SMCHD1: variants seen among roughly 807,000 people sequenced by gnomAD.
SMCHD1 encodes structural maintenance of chromosomes flexible hinge domain containing 1.
SMCHD1 carries 78 observed loss-of-function variants against 254.7 expected under a neutral mutation model. The ratio of observed to expected loss-of-function variants is 0.31; its 90% CI spans 0.26 to 0.37. The LOEUF (loss-of-function observed/expected upper bound fraction) is 0.37, where lower values mean the gene tolerates loss of function less well. SMCHD1 is among the 10% of genes least tolerant of loss of function. The pLI, the probability that SMCHD1 is intolerant of heterozygous loss-of-function variation, is 1.00. For missense variants in SMCHD1, 1,840 were observed against 2,408.1 expected (o/e 0.76, Z 4.94); for synonymous variants, 766 against 794.9 (o/e 0.96, Z 0.61).
intron 25 of SMCHD1, 96 bp downstream of exon 25, chr18:2,732,588 G>A (rs1040387483): frequency 1.4e-6 from 1 of 728,632 alleles, no homozygotes; most frequent in Non-Finnish European, 2.2e-6. Flanking sequence ...ATCTAAAAAA[G>A]AAGCTTGTCA....
Position 2,738,419 on chromosome 18 carries a change from A to G in SMCHD1, c.3299A>G (p.Asn1100Ser). The G allele has an allele frequency of 6.2e-7, 1 of 1,606,332 alleles. No homozygotes were observed. Among genetic ancestry groups the G allele is most frequent in the Non-Finnish European group, 8.5e-7 (1 of 1,176,000 alleles). The change falls in exon 26 of 48, where the codon AAC becomes AGC. Residue 1100 changes from asparagine to serine, a missense_variant. Transcript: ENST00000320876. Reference protein sequence around the residue: ...KIKVNWTPEINKEHLLQGLLP... With the variant: ...KIKVNWTPEISKEHLLQGLLP... ...TAGGTTAATTGGACTCCTGAGATTA[A>G]CAAAGAACACTTGCTACAGGGTCTG...
chr18:2,748,390 A>ATTTTTTTTTTTTTTTTTTTTATAAAT (rs67175512), intron 30 of SMCHD1, among the ~76,000 whole-genome samples: 1 of 92,698 alleles, frequency 1.1e-5, no homozygotes, highest in African/African-American at 4.9e-5. Flanking sequence ...GTGTATATAA[A>ATTTTTTTTTTTTTTTTTTTTATAAAT]TTTTTTTTTT....
intron 41 of SMCHD1, among the ~76,000 whole-genome samples, chr18:2,774,366 AACTT>A (rs2076032425): frequency 6.6e-6 from 1 of 152,090 alleles, no homozygotes. Flanking sequence ...TTCTTCCACT[AACTT>A]CTAGAGAATT....
chr18:2,784,703 A>G, intron 45 of SMCHD1, 82 bp downstream of exon 45: 10 of 1,381,262 alleles, frequency 7.2e-6, no homozygotes, highest in Non-Finnish European at 9.8e-6. Flanking sequence ...TTGAGAATCT[A>G]ACATGAAAAA....
rs1491304797 is a variant in SMCHD1, at chr18:2,678,304, T to TTCC, written c.638+4160_638+4161insCCT. 3.4e-3 allele frequency among the ~76,000 whole-genome samples: 305 copies of TTCC among 90,254 alleles called. 2 individuals carry two copies. The Middle Eastern group carries it at 0.036, about 11-fold the overall frequency. 59.2% of individuals were successfully genotyped at this position (90,254 alleles called of 152,430 possible). A position where few individuals can be genotyped will look rare whatever the true frequency, so the allele number is the denominator to read the frequency against. ...CTCTCTTTCTTTCTTTCTTTCTTCC[T>TTCC]TTTTTTTTTTTTTGAGACAGAGTCT... On this transcript the variant is annotated intron_variant, in intron 5 of 47. Coordinates refer to ENST00000320876, the MANE Select transcript of SMCHD1 (RefSeq NM_015295.3).
In SMCHD1 at chr18:2,660,668, T is replaced by A. The variant is rs571751238; in HGVS notation, c.186+4407T>A. On this transcript the variant is annotated intron_variant, in intron 1 of 47. Transcript: ENST00000320876. ...TTTGTATTTTTAGTAGAGATGGGAT[T>A]TTACCATGTTGGCCAGGGTGGTCTG... Among the ~76,000 whole-genome samples the A allele has an allele frequency of 1.3e-4, 20 of 151,642 alleles. 1 individual carries two copies. The highest frequency in any genetic ancestry group is 1.0e-3 in the Admixed American group (16 of 15,260).
Position 2,686,401 on chromosome 18 carries a change from G to A in SMCHD1, c.639-1993G>A, listed in dbSNP as rs571465222. 7.2e-5 allele frequency among the ~76,000 whole-genome samples: 11 copies of A among 152,236 alleles called. No individual in the cohort carries two copies. The South Asian group carries it at 1.0e-3, about 14-fold the overall frequency. Reference sequence around the variant, plus strand: ...CAGAAATCTGAAATACTTTTGGTCCGAAGCATTTTGGATAAGGGGCACTCA... The same window carrying A: ...CAGAAATCTGAAATACTTTTGGTCCAAAGCATTTTGGATAAGGGGCACTCA... On this transcript the variant is annotated intron_variant, in intron 5 of 47. Coordinates refer to ENST00000320876, the MANE Select transcript of SMCHD1 (RefSeq NM_015295.3).
chr18:2,765,928 T>A (rs2075858463), intron 37 of SMCHD1, among the ~76,000 whole-genome samples: 1 of 151,968 alleles, frequency 6.6e-6, no homozygotes, highest in African/African-American at 2.4e-5. Context: ...GAAGAAGACA[T>A]CTAGTCTTCT....
chr18:2,722,330 C>T (rs890944578), intron 19 of SMCHD1, among the ~76,000 whole-genome samples, 189 bp from the exon 20 acceptor site: 1 of 152,064 alleles, frequency 6.6e-6, no homozygotes, highest in Non-Finnish European at 1.5e-5. Context: ...CCCAGCTACT[C>T]AGGAGGTTTT....
rs796560619 is a variant in SMCHD1, at chr18:2,678,243, C to T, written c.638+4098C>T. ...TTTCTTTTTCTTTCTTTCTTTCTTT[C>T]GTTCTTTCTTTCTCTCTCTCTCTCT... is the stretch of plus-strand genomic sequence containing the variant. On this transcript the variant is annotated intron_variant, in intron 5 of 47. Coordinates refer to ENST00000320876, the MANE Select transcript of SMCHD1 (RefSeq NM_015295.3). Among the ~76,000 whole-genome samples the T allele has an allele frequency of 3.6e-4, 15 of 41,596 alleles. No individual in the cohort carries two copies. The East Asian group carries it at 0.022, about 60-fold the overall frequency. The allele number at this position is 41,596 out of a possible 152,430, so 27.3% of individuals were successfully genotyped here.
At chr18:2,798,405 G>T (rs193104189) in intron 47 of SMCHD1, among the ~76,000 whole-genome samples, 1 of 152,308 alleles carries the variant, frequency 6.6e-6, no homozygotes, top group East Asian at 1.9e-4. Flanking sequence ...AGTGGATTTA[G>T]ACATGTAACT....
chr18:2,757,911 C>A (rs1598410996), intron 34 of SMCHD1, among the ~76,000 whole-genome samples: 1 of 151,806 alleles, frequency 6.6e-6, no homozygotes, highest in South Asian at 2.1e-4. Flanking sequence ...GCAAATTAAA[C>A]CTTTTATTAT....
intron 19 of SMCHD1, among the ~76,000 whole-genome samples, chr18:2,720,066 A>G (rs918369783): frequency 6.6e-6 from 1 of 152,234 alleles, no homozygotes; most frequent in African/African-American, 2.4e-5. Flanking sequence ...GCCTCAAGCC[A>G]TCTTCCTGCC....
At position 2,769,828 on chromosome 18, in the gene SMCHD1, T is replaced by C; in HGVS notation, c.4846+8T>C. ...CGTTCATGTTTTACAATGGTAAGTT[T>C]CTAGGAAATAAATGGTTAAACTCCG... is the stretch of plus-strand genomic sequence containing the variant. On this transcript the variant is annotated splice_region_variant and intron_variant, in intron 38 of 47. Transcript: ENST00000320876. 1 of 1,594,538 alleles carries C rather than the reference T, an allele frequency of 6.3e-7. No homozygotes were observed. The highest frequency in any genetic ancestry group is 1.1e-5 in the South Asian group (1 of 88,712).
chr18:2,690,358 G>T (rs535055), intron 7 of SMCHD1, among the ~76,000 whole-genome samples: 1 of 151,974 alleles, frequency 6.6e-6, no homozygotes, highest in Non-Finnish European at 1.5e-5. Context: ...TTATTTAAAG[G>T]ATTTTACAGT....
chr18:2,680,623 A>T, intron 5 of SMCHD1, among the ~76,000 whole-genome samples: 1 of 152,176 alleles, frequency 6.6e-6, no homozygotes, highest in Non-Finnish European at 1.5e-5. Context: ...GACCTTCTCA[A>T]TTCTTTCTTG....
intron 47 of SMCHD1, chr18:2,801,322 T>C (rs2076357964): frequency 1.3e-5 from 2 of 152,146 alleles, no homozygotes; most frequent in Admixed American, 1.3e-4. Flanking sequence ...CTTTAGTACA[T>C]GGGGAGACAC....
chr18:2,727,687 C>G (rs942927583), intron 22 of SMCHD1, among the ~76,000 whole-genome samples: 1 of 151,840 alleles, frequency 6.6e-6, no homozygotes, highest in African/African-American at 2.4e-5. Flanking sequence ...GTTTCCTTAC[C>G]TGTAAAATGG....
Position 2,775,738 on chromosome 18 carries a change from C to T in SMCHD1, c.5180C>T (p.Ala1727Val), listed in dbSNP as rs1294268737. Residue 1727 changes from alanine to valine, a missense_variant, in exon 42 of 48, where the codon GCA (alanine) becomes GTA (valine). Coordinates refer to ENST00000320876, the MANE Select transcript of SMCHD1 (RefSeq NM_015295.3). Reference protein sequence around the residue: ...KGSGDVLGKIAHLAQIEDDRA... With the variant: ...KGSGDVLGKIVHLAQIEDDRA... ...CTTTATGAAAATGGGTTATAGATTG[C>T]ACATCTAGCACAAATTGAAGATGAT... 6.2e-7 allele frequency: 1 copy of T among 1,608,544 alleles called. No homozygotes were observed.
Sources: gnomAD v4.1 joint callset for allele counts (sites outside exome capture counted in the v4.1 genomes callset) on GRCh38, gnomAD v4.1.1 for gene constraint, MANE v1.5 for transcripts, NCBI Gene and HGNC (gene_info 2026-07-23, HGNC 2026-07-21) for gene names.